The following PLXNA4 variants were observed in gnomAD, a reference collection of about 807,000 sequenced individuals.
PLXNA4 encodes the protein plexin-A4.
PLXNA4 carries 44 observed loss-of-function variants against 191.8 expected under a neutral mutation model. The ratio of observed to expected loss-of-function variants is 0.23; its 90% CI spans 0.18 to 0.29. PLXNA4 has a LOEUF of 0.29. Ranked by LOEUF, PLXNA4 falls within the 10% of genes least tolerant of loss-of-function variation. The pLI is 1.00. For missense variants in PLXNA4, 1,800 were observed against 2,488.8 expected (o/e 0.72, Z 5.89); for synonymous variants, 1,082 against 1,009.5 (o/e 1.07, Z -1.36).
chr7:132,195,458 T>C (rs1049380663), intron 13 of PLXNA4, among the ~76,000 whole-genome samples: 3 of 152,244 alleles, frequency 2.0e-5, no homozygotes, highest in Non-Finnish European at 2.9e-5. Flanking sequence ...CATTGTATAG[T>C]AGGATAGATT....
intron 1 of PLXNA4, among the ~76,000 whole-genome samples, chr7:132,536,061 G>A (rs143630811): frequency 3.0e-4 from 45 of 152,260 alleles, no homozygotes; most frequent in African/African-American, 8.2e-4. Flanking sequence ...ACTTACCTTC[G>A]TCTTATGACC....
intron 3 of PLXNA4, among the ~76,000 whole-genome samples, chr7:132,368,287 A>T (rs1162971253): frequency 6.6e-6 from 1 of 152,166 alleles, no homozygotes; most frequent in Non-Finnish European, 1.5e-5. Flanking sequence ...CCTTTAGGTT[A>T]ACTATTTGAT....
intron 2 of PLXNA4, among the ~76,000 whole-genome samples, chr7:132,489,813 C>T (rs1007131672): frequency 2.0e-5 from 3 of 152,112 alleles, no homozygotes; most frequent in Admixed American, 6.5e-5. Flanking sequence ...AAAAGCCTCA[C>T]GTGGAAAAGC....
intron 3 of PLXNA4, among the ~76,000 whole-genome samples, chr7:132,445,157 G>GA (rs71529762): frequency 0.5 from 26,764 of 53,720 alleles, 8,516 homozygotes; most frequent in Non-Finnish European, 0.65. Flanking sequence ...TCCATCTCAG[G>GA]AAAAAAAAAA....
chr7:132,165,442 G>T (rs1796094724), intron 22 of PLXNA4, among the ~76,000 whole-genome samples: 1 of 152,192 alleles, frequency 6.6e-6, no homozygotes, highest in Non-Finnish European at 1.5e-5. Flanking sequence ...GCAGGCTGTG[G>T]GTGGGATTTT....
chr7:132,482,101 T>A (rs186020553), intron 3 of PLXNA4, among the ~76,000 whole-genome samples: 1 of 152,184 alleles, frequency 6.6e-6, no homozygotes, highest in Non-Finnish European at 1.5e-5. Flanking sequence ...AAAGCCCTCA[T>A]GTAGAAGGCA....
At chr7:132,299,749 T>A (rs552332271) in intron 3 of PLXNA4, among the ~76,000 whole-genome samples, 1 of 152,288 alleles carries the variant, frequency 6.6e-6, no homozygotes, top group African/African-American at 2.4e-5. Context: ...TCCCAGGTTG[T>A]CCGTGATGAG....
At chr7:132,206,464 GTGTGTGTGCGCA>G (rs1268358811) in intron 10 of PLXNA4, among the ~76,000 whole-genome samples, 14 of 151,870 alleles carry the variant, frequency 9.2e-5, no homozygotes, top group Non-Finnish European at 1.8e-4. Flanking sequence ...GTGTGTGTGT[GTGTGTGTGCGCA>G]TGTGTGCAAG....
At chr7:132,168,152 C>A (rs1158150168) in intron 22 of PLXNA4, 152 bp downstream of exon 22, 5 of 1,141,796 alleles carry the variant, frequency 4.4e-6, no homozygotes, top group Non-Finnish European at 4.6e-6. Flanking sequence ...TCTAAGGGGG[C>A]CTGCAATGTA....
intron 4 of PLXNA4, among the ~76,000 whole-genome samples, chr7:132,272,854 C>T (rs1321518795): frequency 2.6e-5 from 4 of 152,152 alleles, no homozygotes; most frequent in Non-Finnish European, 5.9e-5. Context: ...ATTTGGCCTC[C>T]TTAAGAACGT....
At chr7:132,567,680 G>A (rs2116735009) in intron 1 of PLXNA4, among the ~76,000 whole-genome samples, 1 of 152,260 alleles carries the variant, frequency 6.6e-6, no homozygotes, top group East Asian at 1.9e-4. Context: ...GATAGGCTCT[G>A]GGTTGGGCAA....
In PLXNA4 at chr7:132,602,049, G is replaced by A. The variant is rs573237440; in HGVS notation, c.-87+43879C>T. 7.9e-5 allele frequency among the ~76,000 whole-genome samples: 12 copies of A among 152,274 alleles called. No individual in the cohort carries two copies. The South Asian group carries it at 2.3e-3, about 29-fold the overall frequency. ...AGGTTTTTACCATAGAAGAATCTAGGTTTACTCATGTAAACACTGAATAAT... is the reference window on the plus strand; with the variant it reads ...AGGTTTTTACCATAGAAGAATCTAGATTTACTCATGTAAACACTGAATAAT... On this transcript the variant is annotated intron_variant, in intron 2 of 4. Coordinates refer to the PLXNA4 transcript ENST00000378539.
chr7:132,187,425 T>A, intron 15 of PLXNA4, 46 bp downstream of exon 15: 1 of 1,591,958 alleles, frequency 6.3e-7, no homozygotes, highest in Non-Finnish European at 8.6e-7. Flanking sequence ...TTTACCTGTC[T>A]AACCTTTCCC....
intron 3 of PLXNA4, among the ~76,000 whole-genome samples, chr7:132,423,589 A>G (rs1794929569): frequency 6.6e-6 from 1 of 152,218 alleles, no homozygotes; most frequent in Admixed American, 6.5e-5. Context: ...AAAGAGGGGA[A>G]GTGACATCCT....
chr7:132,427,370 C>T (rs934422966), intron 3 of PLXNA4, among the ~76,000 whole-genome samples: 1 of 152,290 alleles, frequency 6.6e-6, no homozygotes, highest in South Asian at 2.1e-4. Flanking sequence ...CTAGGGTCTA[C>T]AGCGCCCCAT....
intron 15 of PLXNA4, among the ~76,000 whole-genome samples, chr7:132,186,916 A>G (rs1796897226): frequency 6.6e-6 from 1 of 152,194 alleles, no homozygotes; most frequent in Non-Finnish European, 1.5e-5. Context: ...GGAGGCACAT[A>G]AGCAACAAGA....
chr7:132,148,753 A>C, intron 25 of PLXNA4, 107 bp from the exon 26 acceptor site: 1 of 1,502,926 alleles, frequency 6.7e-7, no homozygotes, highest in Non-Finnish European at 8.9e-7. Flanking sequence ...GGGTGTGTCC[A>C]TTGCAAGTGC....
chr7:132,249,990 T>A (rs1171791659), intron 4 of PLXNA4, among the ~76,000 whole-genome samples: 1 of 152,144 alleles, frequency 6.6e-6, no homozygotes, highest in African/African-American at 2.4e-5. Flanking sequence ...TCAAATGTGG[T>A]TAGGGAGAAA....
intron 3 of PLXNA4, among the ~76,000 whole-genome samples, chr7:132,398,700 A>T (rs1222860950): frequency 6.6e-6 from 1 of 152,204 alleles, no homozygotes; most frequent in Non-Finnish European, 1.5e-5. Flanking sequence ...TCGGCCCAAT[A>T]GGCTCAGGGC....
Sources: allele counts gnomAD v4.1 joint callset (sites outside exome capture counted in the v4.1 genomes callset), GRCh38; gene constraint gnomAD v4.1.1; transcripts MANE v1.5; gene names NCBI Gene and HGNC (gene_info 2026-07-23, HGNC 2026-07-21).